MORN1: variants seen among roughly 807,000 people sequenced by gnomAD.
MORN1 encodes the protein MORN repeat-containing protein 1.
A neutral mutation model predicts 61.9 loss-of-function variants in MORN1; 67 were observed. The observed-to-expected ratio is 1.08, with a 90% CI of 0.89 to 1.33. The LOEUF is 1.33. Among genes scored for constraint, MORN1 ranks in the 40% most tolerant of loss-of-function variants. MORN1 has a pLI of 0.00. For missense variants in MORN1, 752 were observed against 691.2 expected (o/e 1.09, Z -0.99); for synonymous variants, 301 against 292.0 (o/e 1.03, Z -0.31).
At chr1:2,386,010 G>T in intron 4 of MORN1, 113 bp from the exon 5 acceptor site, 1 of 870,678 alleles carries the variant, frequency 1.1e-6, no homozygotes, top group Non-Finnish European at 1.9e-6. Context: ...AAGTCTAGGA[G>T]GCATGGGGCT....
intron 12 of MORN1, 37 bp from the exon 13 acceptor site, chr1:2,324,180 G>T: frequency 6.4e-7 from 1 of 1,573,702 alleles, no homozygotes; most frequent in Non-Finnish European, 8.6e-7. Flanking sequence ...TGAATGCCCT[G>T]CCTGGGCCCC....
At position 2,336,824 on chromosome 1, in the gene MORN1, C is replaced by T. The variant is rs536970058; in HGVS notation, c.1063G>A (p.Gly355Arg). The change falls in exon 11 of 14, where the codon GGG becomes AGG. Residue 355 changes from glycine (G) to arginine (R), a missense_variant. Gly to Arg is a moderately radical substitution (Grantham distance 125). Coordinates refer to ENST00000378531, the MANE Select transcript of MORN1 (RefSeq NM_024848.3). The part of the protein sequence containing the change: ...LARGHAPHCP[G>R]ACQRVEQGCA... ...CCCTGCTCCACTCGCTGACAGGCCC[C>T]GGGACAATGGGGCGCATGTCCCCTG... is the stretch of plus-strand genomic sequence containing the variant. The T allele has an allele frequency of 3.3e-5, 52 of 1,590,208 alleles. No individual in the cohort carries two copies. Among genetic ancestry groups the T allele is most frequent in the African/African-American group, 8.1e-5 (6 of 74,102 alleles).
At chr1:2,359,549 T>C (rs989032296) in intron 8 of MORN1, among the ~76,000 whole-genome samples, 30 of 151,832 alleles carry the variant, frequency 2.0e-4, no homozygotes, top group Middle Eastern at 6.8e-3. Flanking sequence ...TTGGGCACCG[T>C]GGGTGGAGGC....
chr1:2,322,773 G>T, intron 13 of MORN1: 4 of 985,456 alleles, frequency 4.1e-6, no homozygotes, highest in South Asian at 4.7e-5. Flanking sequence ...TGGCCGGGGG[G>T]CCGAGAGCTC....
At chr1:2,342,323 C>T (rs764775889) in intron 10 of MORN1, among the ~76,000 whole-genome samples, 3 of 152,252 alleles carry the variant, frequency 2.0e-5, no homozygotes, top group Non-Finnish European at 1.5e-5. Context: ...TCGGGCCAGG[C>T]CAGCCCCAAG....
At chr1:2,333,527 T>C (rs966085797) in intron 12 of MORN1, among the ~76,000 whole-genome samples, 2 of 152,172 alleles carry the variant, frequency 1.3e-5, no homozygotes, top group Non-Finnish European at 2.9e-5. Context: ...AGGGCCACAC[T>C]GTAGGGGGAC....
chr1:2,325,346 G>C (rs937960694), intron 12 of MORN1, among the ~76,000 whole-genome samples: 2 of 147,106 alleles, frequency 1.4e-5, no homozygotes, highest in African/African-American at 5.1e-5. Context: ...CTGGCTCTGT[G>C]ACCCAGGCTA....
chr1:2,324,755 C>T (rs1279779955), intron 12 of MORN1, among the ~76,000 whole-genome samples: 1 of 152,146 alleles, frequency 6.6e-6, no homozygotes, highest in Non-Finnish European at 1.5e-5. Flanking sequence ...GGGTGCAGCT[C>T]CTGCCCTGAG....
At chr1:2,373,663 T>C (rs1642172101) in intron 7 of MORN1, among the ~76,000 whole-genome samples, 1 of 152,138 alleles carries the variant, frequency 6.6e-6, no homozygotes, top group Admixed American at 6.5e-5. Context: ...CCCTGCAGGG[T>C]GCACTGTGTG....
At chr1:2,346,801 C>T (rs2132595) in intron 10 of MORN1, among the ~76,000 whole-genome samples, 70,274 of 152,116 alleles carry the variant, frequency 0.46, 18,274 homozygotes, top group East Asian at 0.63. Flanking sequence ...AGCCCCCAGC[C>T]GGTCCGAGTA....
At chr1:2,379,438 C>T (rs1332799636) in intron 6 of MORN1, among the ~76,000 whole-genome samples, 1 of 152,210 alleles carries the variant, frequency 6.6e-6, no homozygotes, top group Non-Finnish European at 1.5e-5. Context: ...CAGCGCCTAC[C>T]TCGTGGCCCT....
rs200940769 is a variant in MORN1 at position 2,385,914 on chromosome 1, G to T, written c.359-17C>A. 605 of 1,611,556 alleles carry T rather than the reference G, an allele frequency of 3.8e-4. 3 individuals are homozygous for T. In the African/African-American group the frequency reaches 7.1e-3, roughly 19 times the overall value. On this transcript the variant is annotated splice_polypyrimidine_tract_variant and intron_variant, in intron 4 of 13. Transcript: ENST00000378531. ...ACCCGTGTCCTGGAGAAGGGACCGAGAGACAGACTTGGCTTTGTGCCTCCT... is the reference window on the plus strand; with the variant it reads ...ACCCGTGTCCTGGAGAAGGGACCGATAGACAGACTTGGCTTTGTGCCTCCT...
At chr1:2,343,085 T>C (rs1288184021) in intron 10 of MORN1, among the ~76,000 whole-genome samples, 1 of 151,964 alleles carries the variant, frequency 6.6e-6, no homozygotes, top group Non-Finnish European at 1.5e-5. Flanking sequence ...TAAGCCTCCA[T>C]CTCCAGTAGC....
Position 2,372,403 on chromosome 1 carries a change from C to T in MORN1, c.745+78G>A, listed in dbSNP as rs781290213. 251 of 1,117,854 alleles carry T rather than the reference C, an allele frequency of 2.2e-4. 1 individual carries two copies. Among genetic ancestry groups the T allele is most frequent in the Admixed American group, 9.2e-5 (4 of 43,412 alleles). The allele number at this position is 1,117,854 out of a possible 1,614,324, so 69.2% of individuals were successfully genotyped here. A position where few individuals can be genotyped will look rare whatever the true frequency, so the allele number is the denominator to read the frequency against. On this transcript the variant is annotated intron_variant, in intron 8 of 13. Coordinates refer to ENST00000378531, the MANE Select transcript of MORN1 (RefSeq NM_024848.3). The surrounding 1 kb of genome is among the most constrained non-coding windows in gnomAD (Gnocchi z 5.4). ...CAGGAGCCACATGCAACATCTCGTC[C>T]GCATCTTCACTGCTTAAGAACCTGC... is the stretch of plus-strand genomic sequence containing the variant.
intron 12 of MORN1, among the ~76,000 whole-genome samples, chr1:2,336,035 C>T (rs1475109769): frequency 6.6e-6 from 1 of 152,184 alleles, no homozygotes; most frequent in Non-Finnish European, 1.5e-5. Flanking sequence ...ACGGTGTCCC[C>T]GCCTGCACGT....
At chr1:2,322,177 A>C in intron 13 of MORN1, 1 of 985,426 alleles carries the variant, frequency 1.0e-6, no homozygotes, top group Non-Finnish European at 1.2e-6. Flanking sequence ...CACAGTCTGT[A>C]AACTGTCTGG....
intron 12 of MORN1, among the ~76,000 whole-genome samples, chr1:2,335,152 C>T (rs906658691): frequency 1.1e-4 from 17 of 152,224 alleles, no homozygotes; most frequent in South Asian, 4.1e-4. Context: ...TGAGTGGCAT[C>T]GAAGGCCTGC....
In MORN1 at chr1:2,379,833, CG is replaced by C. The variant is rs1642330649; in HGVS notation, c.537+5144del. ...GAGGCCGCTGTGGAGAACAGCATGG[CG>C]GTTCCTCAAAAATTAAAAACAGAAT... On this transcript the variant is annotated intron_variant, in intron 6 of 13. Transcript: ENST00000378531. Among the ~76,000 whole-genome samples the C allele has an allele frequency of 2.6e-5, 4 of 152,178 alleles. No individual in the cohort carries two copies. The South Asian group carries it at 8.3e-4, about 32-fold the overall frequency.
chr1:2,334,457 G>T lies in MORN1; in HGVS notation c.1250+2012C>A, dbSNP rs1257139437. Among the ~76,000 whole-genome samples the T allele has an allele frequency of 6.6e-6, 1 of 152,168 alleles. No individual in the cohort carries two copies. The highest frequency in any genetic ancestry group is 1.5e-5 in the Non-Finnish European group (1 of 68,030). The stretch of plus-strand genomic sequence containing the variant: ...GCAGAGCTTACGGAGAGTTCCCGAT[G>T]GGAAAGACTCCCCAGGGTTTCCGCA... On this transcript the variant is annotated intron_variant, in intron 12 of 13. Transcript: ENST00000378531. This position sits in a 1 kb window ranked among gnomAD's most constrained non-coding sequence, Gnocchi z 5.4.
Sources: gnomAD v4.1 joint callset for allele counts (sites outside exome capture counted in the v4.1 genomes callset) on GRCh38, gnomAD v4.1.1 for gene constraint, Gnocchi (gnomAD v3.1) non-coding constraint, MANE v1.5 for transcripts, NCBI Gene and HGNC (gene_info 2026-07-23, HGNC 2026-07-21) for gene names.